Variants in WWC1 observed in about 807,000 individuals in gnomAD.
WWC1 encodes the protein protein KIBRA.
Under a neutral mutation model 138.4 loss-of-function variants are expected in WWC1, and 55 were observed. The ratio of observed to expected loss-of-function variants is 0.40; its 90% CI spans 0.32 to 0.50. The LOEUF is 0.50. Ranked by LOEUF, WWC1 falls within the 20% of genes least tolerant of loss-of-function variation. WWC1 has a pLI of 0.72. For missense variants in WWC1, 1,226 were observed against 1,420.4 expected, an observed-to-expected ratio of 0.86 and a Z score of 2.20; for synonymous variants, 524 against 564.9, an observed-to-expected ratio of 0.93 and a Z score of 1.03.
intron 20 of WWC1, among the ~76,000 whole-genome samples, chr5:168,461,379 C>T (rs182748780): frequency 3.3e-5 from 5 of 152,292 alleles, no homozygotes; most frequent in East Asian, 1.9e-4. Context: ...TCAGTTAGAG[C>T]GCGTCATCTG....
At chr5:168,468,511 T>A (rs902401759) in intron 22 of WWC1, among the ~76,000 whole-genome samples, 2 of 152,044 alleles carry the variant, frequency 1.3e-5, no homozygotes, top group African/African-American at 2.4e-5. Flanking sequence ...AAAAAAAAAA[T>A]TCCTTTGTGG....
chr5:168,399,638 T>C, intron 5 of WWC1, 71 bp downstream of exon 5: 3 of 1,431,166 alleles, frequency 2.1e-6, no homozygotes, highest in Non-Finnish European at 2.9e-6. Context: ...CCTCTCTGTC[T>C]CTCTCTCCTT....
intron 15 of WWC1, among the ~76,000 whole-genome samples, chr5:168,435,790 G>A (rs1029064046): frequency 1.3e-5 from 2 of 152,110 alleles, no homozygotes; most frequent in South Asian, 2.1e-4. Context: ...ACTTGAAAGA[G>A]GTGTTCCCTT....
intron 2 of WWC1, among the ~76,000 whole-genome samples, chr5:168,372,778 C>T (rs116375789): frequency 1.4e-3 from 213 of 152,340 alleles, no homozygotes; most frequent in Non-Finnish European, 2.2e-3. Context: ...GTCTTGTGCC[C>T]TTCATCACCC....
intron 19 of WWC1, among the ~76,000 whole-genome samples, chr5:168,455,996 A>G (rs1333761542): frequency 6.6e-6 from 1 of 152,224 alleles, no homozygotes; most frequent in Non-Finnish European, 1.5e-5. Context: ...TGCTGCTAAC[A>G]TTTAAAACTT....
intron 3 of WWC1, among the ~76,000 whole-genome samples, chr5:168,390,759 C>T (rs1368843814): frequency 6.6e-6 from 1 of 152,256 alleles, no homozygotes; most frequent in Non-Finnish European, 1.5e-5. Context: ...ACAGACGGGG[C>T]CCTGCCTTGG....
At chr5:168,389,770 C>T (rs1246216376) in intron 3 of WWC1, among the ~76,000 whole-genome samples, 4 of 152,080 alleles carry the variant, frequency 2.6e-5, no homozygotes, top group Non-Finnish European at 4.4e-5. Context: ...AACCTCAGCA[C>T]CATTAACATT....
At chr5:168,324,211 G>A (rs1013104765) in intron 1 of WWC1, among the ~76,000 whole-genome samples, 15 of 152,164 alleles carry the variant, frequency 9.9e-5, no homozygotes, top group Non-Finnish European at 1.9e-4. Flanking sequence ...TGAGGCGAGC[G>A]GATCATGACG....
At chr5:168,362,007 C>T (rs1032426641) in intron 1 of WWC1, among the ~76,000 whole-genome samples, 8 of 152,110 alleles carry the variant, frequency 5.3e-5, no homozygotes, top group Non-Finnish European at 8.8e-5. Context: ...CGCTTGAACC[C>T]GGGAGGCAGA....
At chr5:168,443,959 T>C (rs1419028826) in intron 16 of WWC1, among the ~76,000 whole-genome samples, 3 of 152,234 alleles carry the variant, frequency 2.0e-5, no homozygotes, top group African/African-American at 7.2e-5. Context: ...GAGGAAACAG[T>C]CTCAGAGAGT....
intron 1 of WWC1, among the ~76,000 whole-genome samples, chr5:168,323,921 C>T (rs995396629): frequency 6.6e-6 from 1 of 152,068 alleles, no homozygotes; most frequent in Non-Finnish European, 1.5e-5. Context: ...TACAGGAGAA[C>T]AGTAAGAATA....
chr5:168,431,372 T>C lies in WWC1; in HGVS notation c.2208T>C (p.Tyr736=), dbSNP rs776848684. Residue 736 remains tyrosine, a synonymous_variant, in exon 15 of 23, where the codon TAT becomes TAC. Coordinates refer to ENST00000265293, the MANE Select transcript of WWC1 (RefSeq NM_015238.3). ...AGGTGTTCTGGGTATCCATGTCCTA[T>C]CCAGCCCTTCACCAGAAGACCTTAA... ...FNEVFWVSMS[Y]PALHQKTLRV... 6.2e-7 allele frequency: 1 copy of C among 1,614,080 alleles called. No homozygotes were observed. Among genetic ancestry groups the C allele is most frequent in the South Asian group, 1.1e-5 (1 of 91,070 alleles).
intron 19 of WWC1, among the ~76,000 whole-genome samples, chr5:168,458,464 T>C (rs944492484): frequency 3.3e-5 from 5 of 152,148 alleles, no homozygotes; most frequent in Admixed American, 1.3e-4. Flanking sequence ...TTGTTCGATC[T>C]TCATCTTCAC....
chr5:168,443,640 G>A (rs1370296418), intron 16 of WWC1, among the ~76,000 whole-genome samples: 3 of 152,178 alleles, frequency 2.0e-5, no homozygotes, highest in Non-Finnish European at 4.4e-5. Flanking sequence ...TGTCAGGATG[G>A]TTGTAAAGAT....
At chr5:168,311,350 G>A (rs2152748904) in intron 1 of WWC1, among the ~76,000 whole-genome samples, 1 of 152,200 alleles carries the variant, frequency 6.6e-6, no homozygotes, top group Non-Finnish European at 1.5e-5. Context: ...GCAAGGAATA[G>A]CGGCCCCTGC....
chr5:168,393,769 G>A (rs1254080304), intron 3 of WWC1, among the ~76,000 whole-genome samples: 1 of 152,124 alleles, frequency 6.6e-6, no homozygotes, highest in African/African-American at 2.4e-5. Context: ...ACTGAAGCAG[G>A]GCAGAAGCCC....
intron 1 of WWC1, among the ~76,000 whole-genome samples, chr5:168,371,150 A>G (rs530202814): frequency 6.6e-6 from 1 of 152,324 alleles, no homozygotes; most frequent in African/African-American, 2.4e-5. Context: ...CAAAGAAGGA[A>G]GTTGACTTGC....
At chr5:168,325,096 G>C (rs934793695) in intron 1 of WWC1, among the ~76,000 whole-genome samples, 5 of 152,228 alleles carry the variant, frequency 3.3e-5, no homozygotes, top group Admixed American at 3.3e-4. Flanking sequence ...GGCAAGGGCA[G>C]AAGTGGGCAG....
Position 168,409,958 on chromosome 5 carries a change from G to T in WWC1, c.904G>T (p.Val302Phe). ...CAGCAACAATCAGTTGGCAGAGAAG[G>T]TCAGATTGCGCCTTCGATATGAAGA... ...INSNNQLAEK[V>F]RLRLRYEEAK... is the part of the protein sequence containing the mutation. Residue 302 changes from valine (V) to phenylalanine (F), a missense_variant, in exon 8 of 23, where the codon GTC (valine) becomes TTC (phenylalanine). Physicochemically the swap from Val to Phe is conservative, Grantham distance 50 (BLOSUM62 -1). Coordinates refer to ENST00000265293, the MANE Select transcript of WWC1 (RefSeq NM_015238.3). The T allele has an allele frequency of 6.2e-7, 1 of 1,614,044 alleles. No individual in the cohort carries two copies. Among genetic ancestry groups the T allele is most frequent in the Non-Finnish European group, 8.5e-7 (1 of 1,179,948 alleles).
Sources: allele counts gnomAD v4.1 joint callset (sites outside exome capture counted in the v4.1 genomes callset), GRCh38; gene constraint gnomAD v4.1.1; transcripts MANE v1.5; gene names NCBI Gene and HGNC (gene_info 2026-07-23, HGNC 2026-07-21).